The following ARFGEF1 variants were observed in gnomAD, a reference collection of about 807,000 sequenced individuals.
The protein encoded by ARFGEF1 is ARF guanine nucleotide exchange factor 1.
ARFGEF1 carries 42 observed loss-of-function variants against 231.0 expected under a neutral mutation model. The observed-to-expected ratio is 0.18, with a 90% CI of 0.14 to 0.24. The LOEUF (loss-of-function observed/expected upper bound fraction) is 0.24, where lower values mean the gene tolerates loss of function less well. Among genes scored for constraint, ARFGEF1 ranks in the 10% least tolerant of loss-of-function variants. ARFGEF1 has a pLI of 1.00. For missense variants in ARFGEF1, 1,345 were observed against 2,192.0 expected (o/e 0.61, Z 7.72); for synonymous variants, 710 against 732.3 (o/e 0.97, Z 0.49).
intron 5 of ARFGEF1, among the ~76,000 whole-genome samples, chr8:67,176,300 G>A (rs1399466623): frequency 6.6e-6 from 1 of 152,178 alleles, no homozygotes; most frequent in African/African-American, 2.4e-5. Flanking sequence ...TTTAAGAAAA[G>A]TTAAGACCCT....
chr8:67,312,256 A>C (rs796469143), intron 1 of ARFGEF1, among the ~76,000 whole-genome samples: 1,870 of 151,774 alleles, frequency 0.012, 45 homozygotes, highest in African/African-American at 0.043. Context: ...AAAAAAAAAA[A>C]AAAACAACAC....
intron 1 of ARFGEF1, among the ~76,000 whole-genome samples, chr8:67,339,484 T>G (rs918073030): frequency 1.3e-5 from 2 of 152,030 alleles, no homozygotes; most frequent in African/African-American, 4.8e-5. Flanking sequence ...CTTAGAGGCC[T>G]TACTGGAATA....
rs146639981 is a variant in ARFGEF1 at position 67,259,217 on chromosome 8, T to C, written c.2235+598A>G. On this transcript the variant is annotated intron_variant, in intron 15 of 38. Transcript: ENST00000262215. ...GGACCAATTAGAGATGATTATATTATAACCAAGACATCTTTCTGTTTGTTT... is the reference window on the plus strand; with the variant it reads ...GGACCAATTAGAGATGATTATATTACAACCAAGACATCTTTCTGTTTGTTT... Among the ~76,000 whole-genome samples the C allele has an allele frequency of 2.0e-5, 3 of 152,320 alleles. No homozygotes were observed. The East Asian group carries it at 5.8e-4, about 29-fold the overall frequency.
intron 30 of ARFGEF1, among the ~76,000 whole-genome samples, chr8:67,219,128 G>A (rs1012614507): frequency 4.6e-5 from 7 of 151,950 alleles, no homozygotes; most frequent in Admixed American, 2.0e-4. Flanking sequence ...CACCACACCC[G>A]GATAATTTTT....
At chr8:67,234,434 A>C (rs1283867659) in intron 22 of ARFGEF1, among the ~76,000 whole-genome samples, 1 of 152,192 alleles carries the variant, frequency 6.6e-6, no homozygotes, top group Non-Finnish European at 1.5e-5. Flanking sequence ...TATTAATTCA[A>C]CCTGGACCTA....
intron 14 of ARFGEF1, among the ~76,000 whole-genome samples, chr8:67,264,749 G>C (rs1453684542): frequency 1.3e-5 from 2 of 152,148 alleles, no homozygotes. Flanking sequence ...CTGAGAGAAG[G>C]ACTGGGAGAC....
intron 23 of ARFGEF1, among the ~76,000 whole-genome samples, chr8:67,230,791 A>T (rs1034680778): frequency 6.6e-6 from 1 of 152,092 alleles, no homozygotes; most frequent in Non-Finnish European, 1.5e-5. Context: ...TTAACAACAC[A>T]TAAAAAATTC....
At chr8:67,311,437 G>A (rs1258647436) in intron 1 of ARFGEF1, among the ~76,000 whole-genome samples, 2 of 131,666 alleles carry the variant, frequency 1.5e-5, no homozygotes, top group South Asian at 5.1e-4. Flanking sequence ...CCCCCGCCCG[G>A]CCAGCCGCCC....
intron 37 of ARFGEF1, 42 bp downstream of exon 37, chr8:67,201,425 G>A (rs762052897): frequency 7.6e-6 from 12 of 1,577,774 alleles, no homozygotes; most frequent in Middle Eastern, 1.8e-4. Flanking sequence ...CCGGCACCAC[G>A]TGGCTACCTG....
At chr8:67,241,510 A>C (rs1321375018) in intron 19 of ARFGEF1, among the ~76,000 whole-genome samples, 1 of 152,242 alleles carries the variant, frequency 6.6e-6, no homozygotes, top group Non-Finnish European at 1.5e-5. Flanking sequence ...GGAATCAAAG[A>C]CAATGATTCC....
intron 1 of ARFGEF1, among the ~76,000 whole-genome samples, chr8:67,303,048 C>T (rs540108790): frequency 6.6e-6 from 1 of 151,748 alleles, no homozygotes; most frequent in African/African-American, 2.4e-5. Flanking sequence ...TGAGCTATAA[C>T]CACTAGACTC....
chr8:67,217,851 A>C lies in ARFGEF1; in HGVS notation c.4544T>G (p.Phe1515Cys). 6.2e-7 allele frequency: 1 copy of C among 1,614,008 alleles called. No homozygotes were observed. The highest frequency in any genetic ancestry group is 8.5e-7 in the Non-Finnish European group (1 of 1,179,938). The change falls in exon 32 of 39, where the codon TTT becomes TGT. Residue 1515 changes from phenylalanine to cysteine, a missense_variant. This residue lies in a region of ARFGEF1 where 54 missense variants were observed against 86.5 expected (regional missense o/e 0.62). Transcript: ENST00000262215. Reference sequence around the variant, plus strand: ...AGTTTTATCCCAGATTTCTAGGGTAAATTTTTCACCATTCAGAATAACAAC... The same window carrying C: ...AGTTTTATCCCAGATTTCTAGGGTACATTTTTCACCATTCAGAATAACAAC... ...ENVVILNGEK[F>C]TLEIWDKTCN...
intron 10 of ARFGEF1, among the ~76,000 whole-genome samples, chr8:67,269,070 T>C (rs969622828): frequency 1.3e-5 from 2 of 152,134 alleles, no homozygotes; most frequent in African/African-American, 4.8e-5. Context: ...TAATAGGGGC[T>C]CTAAAAAAAT....
Position 67,343,231 on chromosome 8 carries a change from T to C in ARFGEF1, c.57A>G (p.Ile19Met), listed in dbSNP as rs1808738995. 1 of 1,611,026 alleles carries C rather than the reference T, an allele frequency of 6.2e-7. No homozygotes were observed. Among genetic ancestry groups the C allele is most frequent in the Non-Finnish European group, 8.5e-7 (1 of 1,178,274 alleles). ...CCTTCTTCACTTCCTTGTCGGCCAA[T>C]ATCTTCTCCAGAGCCCGGGTCAGGA... ...NMFLTRALEK[I>M]LADKEVKKAH... Residue 19 changes from isoleucine (I) to methionine (M), a missense_variant, in exon 1 of 39, where the codon ATA (isoleucine) becomes ATG (methionine). Ile to Met is a conservative substitution (Grantham distance 10). Around this residue, in one of 14 missense-constraint regions of ARFGEF1, gnomAD observed 398 missense variants for 463.2 expected, o/e 0.86. Coordinates refer to ENST00000262215, the MANE Select transcript of ARFGEF1 (RefSeq NM_006421.5).
At chr8:67,331,536 T>C (rs1480196109) in intron 1 of ARFGEF1, among the ~76,000 whole-genome samples, 1 of 152,206 alleles carries the variant, frequency 6.6e-6, no homozygotes, top group African/African-American at 2.4e-5. Context: ...AATAAAGAAC[T>C]GTGAGAAATA....
At position 67,228,148 on chromosome 8, in the gene ARFGEF1, A is replaced by AT. The variant is rs202087758; in HGVS notation, c.3422-17dup. 828 of 1,421,466 alleles carry AT rather than the reference A, an allele frequency of 5.8e-4. No homozygotes were observed. The highest frequency in any genetic ancestry group is 2.2e-3 in the Admixed American group (114 of 52,766). The allele number at this position is 1,421,466 out of a possible 1,614,324, so 88.1% of individuals were successfully genotyped here. On this transcript the variant is annotated splice_polypyrimidine_tract_variant and intron_variant, in intron 24 of 38. Transcript: ENST00000262215. Reference sequence around the variant, plus strand: ...ACAAAATCCACTGTAATATAAATACATTTTTTTTTTAGCTCAACATTAAAG... The same window carrying AT: ...ACAAAATCCACTGTAATATAAATACATTTTTTTTTTTAGCTCAACATTAAAG...
chr8:67,274,988 TG>T (rs1805253859), intron 9 of ARFGEF1, among the ~76,000 whole-genome samples: 1 of 152,124 alleles, frequency 6.6e-6, no homozygotes, highest in Non-Finnish European at 1.5e-5. Flanking sequence ...TGTTTCTCCC[TG>T]AACTGGTACA....
rs1467319654 is a variant in ARFGEF1, at chr8:67,216,608, A to C, written c.4668T>G (p.Pro1556=). The C allele has an allele frequency of 6.2e-7, 1 of 1,604,826 alleles. No homozygotes were observed. Among genetic ancestry groups the C allele is most frequent in the Admixed American group, 1.7e-5 (1 of 57,344 alleles). Residue 1556 remains proline, a synonymous_variant, in exon 33 of 39, where the codon CCT becomes CCG. Transcript: ENST00000262215. ...AACTTACCAATGGCTTTTCACTTAC[A>C]GGAGATGGAGGTGGGGGGGCAGTTT... is the stretch of plus-strand genomic sequence containing the variant. ...SGETAPPPPS[P]VSEKPLDTIS...
chr8:67,305,118 A>G (rs1021096769), intron 1 of ARFGEF1, among the ~76,000 whole-genome samples: 2 of 152,206 alleles, frequency 1.3e-5, no homozygotes, highest in African/African-American at 4.8e-5. Context: ...CATTTTAAAG[A>G]GCACTGTGTT....
Sources: allele counts gnomAD v4.1 joint callset (sites outside exome capture counted in the v4.1 genomes callset), GRCh38; gene constraint gnomAD v4.1.1; regional missense constraint gnomAD v4.1.1; transcripts MANE v1.5; gene names NCBI Gene and HGNC (gene_info 2026-07-23, HGNC 2026-07-21).